ERC2: variants seen among roughly 807,000 people sequenced by gnomAD.
ERC2 encodes ELKS/RAB6-interacting/CAST family member 2.
Under a neutral mutation model 114.8 loss-of-function variants are expected in ERC2, and 42 were observed. The ratio of observed to expected loss-of-function variants is 0.37; its 90% CI spans 0.29 to 0.47. ERC2 has a LOEUF of 0.47. ERC2 is among the 20% of genes least tolerant of loss of function. The probability of loss-of-function intolerance (pLI) is 0.99; values close to 1 mark genes in which losing one functional copy is unlikely to be tolerated. For synonymous variants in ERC2, 454 were observed against 425.5 expected (o/e 1.07, Z -0.82); for missense variants, 939 against 1,150.7 (o/e 0.82, Z 2.66).
chr3:55,782,719 T>C (rs1447889305), intron 14 of ERC2, among the ~76,000 whole-genome samples: 1 of 152,082 alleles, frequency 6.6e-6, no homozygotes, highest in South Asian at 2.1e-4. Context: ...CAACTGACAA[T>C]ATGACAGACT....
intron 13 of ERC2, among the ~76,000 whole-genome samples, chr3:55,944,090 G>A (rs1035085168): frequency 1.3e-5 from 2 of 152,142 alleles, no homozygotes; most frequent in African/African-American, 2.4e-5. Context: ...AAATAAATAA[G>A]AGATGACTAT....
chr3:56,429,331 G>C (rs551243816), intron 2 of ERC2, among the ~76,000 whole-genome samples: 2 of 152,258 alleles, frequency 1.3e-5, no homozygotes, highest in East Asian at 1.9e-4. Flanking sequence ...GCTACCTCGC[G>C]TAACAGTGTA....
At chr3:55,989,185 G>C (rs564149099) in intron 11 of ERC2, among the ~76,000 whole-genome samples, 5 of 152,154 alleles carry the variant, frequency 3.3e-5, no homozygotes, top group African/African-American at 7.2e-5. Context: ...AGCTTTAAGG[G>C]GAGGCAAAGG....
chr3:55,651,500 T>C (rs778596593), intron 17 of ERC2, among the ~76,000 whole-genome samples: 2 of 152,188 alleles, frequency 1.3e-5, no homozygotes, highest in Admixed American at 6.5e-5. Flanking sequence ...CCCCACATCC[T>C]GGGTTCTAGT....
intron 3 of ERC2, among the ~76,000 whole-genome samples, chr3:56,213,242 G>A (rs934513967): frequency 2.0e-5 from 3 of 152,188 alleles, no homozygotes; most frequent in African/African-American, 7.2e-5. Context: ...GAAGTGCAAG[G>A]GGTCAGGGAA....
chr3:56,029,466 CT>C (rs2074246961), intron 7 of ERC2, among the ~76,000 whole-genome samples: 3 of 152,028 alleles, frequency 2.0e-5, no homozygotes, highest in Non-Finnish European at 4.4e-5. Context: ...TTGGAAATTT[CT>C]TTTTCAGGAG....
At chr3:55,784,650 C>T (rs2069337929) in intron 14 of ERC2, among the ~76,000 whole-genome samples, 2 of 152,204 alleles carry the variant, frequency 1.3e-5, no homozygotes, top group African/African-American at 2.4e-5. Flanking sequence ...ACTAATCCCA[C>T]ACCCACCCCA....
At chr3:55,594,780 G>A (rs1027103363) in intron 17 of ERC2, among the ~76,000 whole-genome samples, 2 of 152,086 alleles carry the variant, frequency 1.3e-5, no homozygotes, top group Non-Finnish European at 2.9e-5. Flanking sequence ...CACTGCGCCT[G>A]GCCAGTCAGG....
intron 14 of ERC2, among the ~76,000 whole-genome samples, chr3:55,843,526 CA>C (rs2149220449): frequency 6.6e-6 from 1 of 152,330 alleles, no homozygotes; most frequent in Non-Finnish European, 1.5e-5. Flanking sequence ...GGTGCAAGTT[CA>C]AGAAGAGATC....
chr3:55,921,581 A>G (rs1054225215), intron 13 of ERC2, among the ~76,000 whole-genome samples: 2 of 152,146 alleles, frequency 1.3e-5, no homozygotes, highest in South Asian at 4.1e-4. Flanking sequence ...AATGAATACA[A>G]TGCAATGGCT....
At chr3:55,758,862 C>G (rs1445668301) in intron 14 of ERC2, among the ~76,000 whole-genome samples, 2 of 152,110 alleles carry the variant, frequency 1.3e-5, no homozygotes, top group Admixed American at 1.3e-4. Context: ...AAGATCTCTA[C>G]CAACAAATAA....
chr3:56,168,678 C>A (rs1012104417), intron 4 of ERC2, among the ~76,000 whole-genome samples: 1 of 152,138 alleles, frequency 6.6e-6, no homozygotes, highest in Non-Finnish European at 1.5e-5. Flanking sequence ...TCCAGTACAT[C>A]CCTTTCATAT....
chr3:56,456,545 T>G (rs1391316237), intron 1 of ERC2, among the ~76,000 whole-genome samples: 1 of 152,212 alleles, frequency 6.6e-6, no homozygotes, highest in Non-Finnish European at 1.5e-5. Flanking sequence ...AAAGCTTTTT[T>G]CCAACATTTC....
chr3:55,742,730 A>G (rs1182020208), intron 14 of ERC2, among the ~76,000 whole-genome samples: 4 of 152,180 alleles, frequency 2.6e-5, no homozygotes, highest in Non-Finnish European at 5.9e-5. Flanking sequence ...GTGACGAAAG[A>G]TCCTATTCAA....
intron 1 of ERC2, among the ~76,000 whole-genome samples, chr3:56,462,439 T>C (rs550521766): frequency 1.4e-4 from 21 of 152,342 alleles, no homozygotes; most frequent in South Asian, 1.2e-3. Flanking sequence ...CAAGCCTCAG[T>C]GGTCTCCCAA....
At chr3:55,698,338 G>A (rs2063042278) in intron 16 of ERC2, among the ~76,000 whole-genome samples, 1 of 151,960 alleles carries the variant, frequency 6.6e-6, no homozygotes, top group South Asian at 2.1e-4. Flanking sequence ...AGCTCCCCCA[G>A]GACTTGTACT....
intron 13 of ERC2, among the ~76,000 whole-genome samples, chr3:55,947,417 C>T (rs1362953589): frequency 2.0e-5 from 3 of 152,212 alleles, no homozygotes; most frequent in Non-Finnish European, 4.4e-5. Context: ...CGTATCTACT[C>T]CCGTACATTT....
At chr3:56,121,911 G>A (rs1392506566) in intron 6 of ERC2, among the ~76,000 whole-genome samples, 1 of 152,104 alleles carries the variant, frequency 6.6e-6, no homozygotes, top group Non-Finnish European at 1.5e-5. Context: ...ACATGTGCTT[G>A]ACTTCAATCC....
chr3:55,897,817 T>C (rs1248702125), intron 13 of ERC2, among the ~76,000 whole-genome samples: 1 of 152,176 alleles, frequency 6.6e-6, no homozygotes, highest in African/African-American at 2.4e-5. Flanking sequence ...GTGACACCTT[T>C]TGGAAAAGGT....
Sources: gnomAD v4.1 joint callset for allele counts (sites outside exome capture counted in the v4.1 genomes callset) on GRCh38, gnomAD v4.1.1 for gene constraint, MANE v1.5 for transcripts, NCBI Gene and HGNC (gene_info 2026-07-23, HGNC 2026-07-21) for gene names.